KHDC1: variants seen among roughly 807,000 people sequenced by gnomAD.
The protein encoded by KHDC1 is KH domain containing 1, also known as KH homology domain-containing protein 1.
Under a neutral mutation model 24.7 loss-of-function variants are expected in KHDC1, and 21 were observed. The observed-to-expected ratio is 0.85, with a 90% CI of 0.60 to 1.23. KHDC1 has a LOEUF of 1.23. KHDC1 is among the 50% of genes most tolerant of loss of function. The pLI is 0.00. For missense variants in KHDC1, 274 were observed against 298.5 expected (o/e 0.92, Z 0.61); for synonymous variants, 98 against 111.7 (o/e 0.88, Z 0.77).
At chr6:73,275,059 A>G (rs1193137908) in intron 2 of KHDC1, 1 of 152,378 alleles carries the variant, frequency 6.6e-6, no homozygotes, top group Non-Finnish European at 1.5e-5. Context: ...CTAATTTCAG[A>G]TCCCAGTCTG....
At chr6:73,279,706 A>G (rs983467727) in intron 2 of KHDC1, among the ~76,000 whole-genome samples, 3 of 151,102 alleles carry the variant, frequency 2.0e-5, no homozygotes, top group African/African-American at 7.3e-5. Flanking sequence ...CAGTCCCCCA[A>G]GTAACTTGGA....
chr6:73,255,485 G>A (rs1210796473), intron 2 of KHDC1, among the ~76,000 whole-genome samples: 6 of 145,410 alleles, frequency 4.1e-5, no homozygotes, highest in Admixed American at 2.1e-4. Context: ...GCCTCCCAAA[G>A]TGCTGGGATT....
intron 2 of KHDC1, among the ~76,000 whole-genome samples, chr6:73,264,787 CAG>C (rs1231199524): frequency 6.6e-6 from 1 of 152,186 alleles, no homozygotes; most frequent in Non-Finnish European, 1.5e-5. Context: ...GACAGGAAAG[CAG>C]AGTCAAAAAC....
In KHDC1 at chr6:73,265,499, G is replaced by C. The variant is rs181507932; in HGVS notation, c.207-22969C>G. On this transcript the variant is annotated intron_variant, in intron 2 of 4. Transcript: ENST00000370384. ...AGCCAAGACTGTGCCATTGCACTCT[G>C]GCCTGGGCAACTGAGCGAGACTCCG... 4.1e-3 allele frequency among the ~76,000 whole-genome samples: 572 copies of C among 140,892 alleles called. 3 individuals carry two copies. Among genetic ancestry groups the C allele is most frequent in the African/African-American group, 0.014 (537 of 38,054 alleles). The allele number at this position is 140,892 out of a possible 152,430, so 92.4% of individuals were successfully genotyped here. A position where few individuals can be genotyped will look rare whatever the true frequency, so the allele number is the denominator to read the frequency against.
At chr6:73,284,090 C>T (rs919747019) in intron 2 of KHDC1, among the ~76,000 whole-genome samples, 19 of 152,222 alleles carry the variant, frequency 1.2e-4, no homozygotes, top group Middle Eastern at 3.4e-3. Context: ...GGATGATAAT[C>T]GTTCCTCTCT....
At chr6:73,241,643 T>A in exon 5 of KHDC1, 1 of 1,614,168 alleles carries the variant, frequency 6.2e-7, no homozygotes, top group South Asian at 1.1e-5. Flanking sequence ...AAGACAGGTC[T>A]CCAGTGTATG....
At chr6:73,259,280 CTTTTTTTTTTTT>C (rs59935884) in intron 2 of KHDC1, among the ~76,000 whole-genome samples, 1 of 73,238 alleles carries the variant, frequency 1.4e-5, no homozygotes, top group African/African-American at 6.4e-5. Context: ...ATCCAATATG[CTTTTTTTTTTTT>C]TTTTTTTTTT....
intron 2 of KHDC1, among the ~76,000 whole-genome samples, chr6:73,244,199 T>A (rs1402221825): frequency 6.6e-6 from 1 of 152,240 alleles, no homozygotes; most frequent in Non-Finnish European, 1.5e-5. Flanking sequence ...TAAGTTTGTA[T>A]AATGATCAGG....
rs1196721303 is a variant in KHDC1 at position 73,298,460 on chromosome 6, G to A, written c.164-6420C>T. On this transcript the variant is annotated intron_variant, in intron 1 of 4. Transcript: ENST00000370384. Reference sequence around the variant, plus strand: ...TTTTTTTTTTTTTTTTTTTGAGACAGAGTCTTGCTCTGTCACCCAGGCTGG... The same window carrying A: ...TTTTTTTTTTTTTTTTTTTGAGACAAAGTCTTGCTCTGTCACCCAGGCTGG... Among the ~76,000 whole-genome samples, 4 of 80,850 alleles carry A rather than the reference G, an allele frequency of 4.9e-5. 1 individual carries two copies. The East Asian group carries it at 1.4e-3, about 27-fold the overall frequency. 53.0% of individuals were successfully genotyped at this position (80,850 alleles called of 152,430 possible). A position where few individuals can be genotyped will look rare whatever the true frequency, so the allele number is the denominator to read the frequency against.
chr6:73,249,181 G>A (rs1259275447), intron 2 of KHDC1, among the ~76,000 whole-genome samples: 1 of 152,094 alleles, frequency 6.6e-6, no homozygotes, highest in Non-Finnish European at 1.5e-5. Context: ...GTGGCTAACA[G>A]GAAGCTGAGG....
intron 2 of KHDC1, among the ~76,000 whole-genome samples, chr6:73,273,673 G>A (rs894822185): frequency 2.6e-5 from 4 of 151,866 alleles, no homozygotes; most frequent in East Asian, 2.0e-4. Flanking sequence ...AAAATTAGCC[G>A]GGCGTGGTGG....
chr6:73,281,506 A>G (rs1233847171), intron 2 of KHDC1, among the ~76,000 whole-genome samples: 2 of 151,518 alleles, frequency 1.3e-5, no homozygotes, highest in Non-Finnish European at 2.9e-5. Flanking sequence ...AATCCCAGCT[A>G]CTTGGGAGGC....
At chr6:73,292,969 T>C (rs2150734698) in intron 1 of KHDC1, 1 of 928,598 alleles carries the variant, frequency 1.1e-6, no homozygotes, top group South Asian at 1.3e-5. Flanking sequence ...TATTTGAGAC[T>C]TTCTGTCACA....
intron 1 of KHDC1, among the ~76,000 whole-genome samples, chr6:73,294,019 C>CA (rs58251692): frequency 1.1e-4 from 15 of 141,916 alleles, no homozygotes; most frequent in African/African-American, 3.4e-4. Flanking sequence ...AAAAAAAAAA[C>CA]AAAAAAAAAC....
At chr6:73,289,303 C>T (rs1353395942) in intron 2 of KHDC1, among the ~76,000 whole-genome samples, 2 of 120,470 alleles carry the variant, frequency 1.7e-5, no homozygotes, top group African/African-American at 3.1e-5. Context: ...CACTGCACTC[C>T]GGCCTGGGCG....
At chr6:73,292,163 C>A (rs553576824) in intron 1 of KHDC1, 1 of 1,545,992 alleles carries the variant, frequency 6.5e-7, no homozygotes, top group African/African-American at 1.4e-5. Context: ...TGATATTCCT[C>A]ATGCTTTGAA....
At chr6:73,298,617 G>T (rs1003725211) in intron 1 of KHDC1, among the ~76,000 whole-genome samples, 1 of 151,304 alleles carries the variant, frequency 6.6e-6, no homozygotes, top group African/African-American at 2.4e-5. Flanking sequence ...TGTATTTTTA[G>T]TACAGACGGG....
In KHDC1 at chr6:73,307,437, AAATT is replaced by A. The variant is rs573118068; in HGVS notation, c.163+2111_163+2114del. On this transcript the variant is annotated intron_variant, in intron 1 of 4. Transcript: ENST00000370384. ...AGACCCTGTCTCACAATAAATAAAT[AAATT>A]AATTAATTAATTAAATAAAATCATT... Among the ~76,000 whole-genome samples the A allele has an allele frequency of 3.0e-3, 460 of 152,252 alleles. 2 individuals are homozygous for A. Among genetic ancestry groups the A allele is most frequent in the African/African-American group, 0.01 (417 of 41,538 alleles).
chr6:73,272,836 TTTTTCTTTTC>T (rs1225325678), intron 2 of KHDC1, among the ~76,000 whole-genome samples: 4 of 150,122 alleles, frequency 2.7e-5, no homozygotes, highest in Middle Eastern at 3.4e-3. Context: ...GCTGGATAAT[TTTTTCTTTTC>T]TTTTCTTTTC....
Sources: allele counts gnomAD v4.1 joint callset (sites outside exome capture counted in the v4.1 genomes callset), GRCh38; gene constraint gnomAD v4.1.1; transcripts MANE v1.5; gene names NCBI Gene and HGNC (gene_info 2026-07-23, HGNC 2026-07-21).